WASHC4: variants seen among roughly 807,000 people sequenced by gnomAD.
WASHC4 encodes WASH complex subunit 7.
A neutral mutation model predicts 166.6 loss-of-function variants in WASHC4; 86 were observed. The ratio of observed to expected loss-of-function variants is 0.52; its 90% CI spans 0.43 to 0.62. WASHC4 has a LOEUF of 0.62. WASHC4 is among the 20% of genes least tolerant of loss of function. The pLI is 0.00. For synonymous variants in WASHC4, 446 were observed against 451.6 expected, an observed-to-expected ratio of 0.99 and a Z score of 0.16; for missense variants, 1,262 against 1,382.4, an observed-to-expected ratio of 0.91 and a Z score of 1.38.
chr12:105,147,117 A>T lies in WASHC4; in HGVS notation c.2485A>T (p.Thr829Ser), dbSNP rs754187720. The T allele has an allele frequency of 1.6e-5, 25 of 1,607,586 alleles. No individual in the cohort carries two copies. The highest frequency in any genetic ancestry group is 8.3e-5 in the Admixed American group (5 of 59,992). Residue 829 changes from threonine to serine, a missense_variant, in exon 24 of 33, where the codon ACA becomes TCA. Thr to Ser is a moderately conservative substitution (Grantham distance 58, BLOSUM62 1). Transcript: ENST00000332180. ...NIRHIANSIR[T>S]HGTGIMNTTV... ...TCGGCATATTGCTAATTCAATTCGA[A>T]CACATGGCACGGGAATTATGAATAC... is the stretch of plus-strand genomic sequence containing the variant.
intron 22 of WASHC4, among the ~76,000 whole-genome samples, chr12:105,146,141 T>C (rs944516837): frequency 2.6e-5 from 4 of 152,090 alleles, no homozygotes; most frequent in African/African-American, 9.7e-5. Flanking sequence ...GTAGAAAAAA[T>C]GTAGAGAAGA....
chr12:105,118,456 G>C lies in WASHC4; in HGVS notation c.446G>C (p.Cys149Ser), dbSNP rs371615453. 1 of 1,612,268 alleles carries C rather than the reference G, an allele frequency of 6.2e-7. No individual in the cohort carries two copies. Among genetic ancestry groups the C allele is most frequent in the African/African-American group, 1.3e-5 (1 of 74,894 alleles). ...ACCTTCTCGTTTCAGGAACTGTCTT[G>C]CTTTGTTACGAGGTGCTATGAAGTG... ...RFISFLQELS[C>S]FVTRCYEVVM... Residue 149 changes from cysteine to serine, a missense_variant, in exon 7 of 33, where the codon TGC becomes TCC. Physicochemically the swap from Cys to Ser is moderately radical, Grantham distance 112 (BLOSUM62 -1). Transcript: ENST00000332180.
At chr12:105,132,829 TGTA>T (rs1881980632) in intron 13 of WASHC4, among the ~76,000 whole-genome samples, 1 of 135,694 alleles carries the variant, frequency 7.4e-6, no homozygotes, top group African/African-American at 2.8e-5. Context: ...TGTGTGTGTG[TGTA>T]AAGTGCTTGG....
intron 11 of WASHC4, 32 bp downstream of exon 11, chr12:105,126,159 T>G (rs781385787): frequency 2.5e-6 from 4 of 1,612,838 alleles, no homozygotes; most frequent in Non-Finnish European, 3.4e-6. Context: ...GGTTTTTGTT[T>G]ATAAAATTTG....
Position 105,149,682 on chromosome 12 carries a change from A to G in WASHC4, c.2582A>G (p.His861Arg), listed in dbSNP as rs1883582656. Residue 861 changes from histidine to arginine, a missense_variant, in exon 25 of 33, where the codon CAC becomes CGC. By Grantham distance (29) the His-to-Arg change is conservative. Coordinates refer to ENST00000332180, the MANE Select transcript of WASHC4 (RefSeq NM_015275.3). ...YIFSQFMYDE[H>R]IKSRLIKDIR... ...TTTAGCCAATTTATGTATGATGAAC[A>G]CATCAAATCCAGATTGATTAAAGAT... 1 of 1,575,428 alleles carries G rather than the reference A, an allele frequency of 6.3e-7. No homozygotes were observed. The highest frequency in any genetic ancestry group is 8.7e-7 in the Non-Finnish European group (1 of 1,147,048).
Position 105,167,055 on chromosome 12 carries a change from G to A in WASHC4, c.*124G>A, listed in dbSNP as rs79135597. 5.9e-3 allele frequency: 4,279 copies of A among 724,912 alleles called. 222 individuals carry two copies. The East Asian group carries it at 0.098, about 17-fold the overall frequency. 44.9% of individuals were successfully genotyped at this position (724,912 alleles called of 1,614,324 possible). On this transcript the variant is annotated 3_prime_UTR_variant, in exon 33 of 33. Transcript: ENST00000332180. ...ACATCTCTGGAAAATAGATGTTACA[G>A]TTCTTAAAGGCAGTGCTTTAAAGTG... is the stretch of plus-strand genomic sequence containing the variant.
At chr12:105,141,139 C>A in intron 17 of WASHC4, 28 bp from the exon 18 acceptor site, 1 of 1,609,770 alleles carries the variant, frequency 6.2e-7, no homozygotes, top group South Asian at 1.1e-5. Flanking sequence ...ACTGCAACTT[C>A]TCTGCCTTTT....
At chr12:105,163,905 T>C (rs762328919) in intron 30 of WASHC4, among the ~76,000 whole-genome samples, 2 of 152,230 alleles carry the variant, frequency 1.3e-5, no homozygotes, top group Non-Finnish European at 2.9e-5. Context: ...TTAGTTATAC[T>C]TCTACATTGT....
At chr12:105,146,242 C>T (rs1339325743) in intron 22 of WASHC4, among the ~76,000 whole-genome samples, 2 of 152,054 alleles carry the variant, frequency 1.3e-5, no homozygotes, top group African/African-American at 4.8e-5. Context: ...TTCCTGTCTG[C>T]ACAAAAGATA....
At chr12:105,140,177 GT>G in intron 15 of WASHC4, 116 bp from the exon 16 acceptor site, 4 of 800,334 alleles carry the variant, frequency 5.0e-6, no homozygotes, top group East Asian at 2.6e-5. Context: ...GGACTGTAAG[GT>G]TTTTTTGTAT....
chr12:105,130,462 C>A (rs1881695877), intron 13 of WASHC4, among the ~76,000 whole-genome samples: 1 of 152,198 alleles, frequency 6.6e-6, no homozygotes, highest in Non-Finnish European at 1.5e-5. Context: ...TTTCTAAATT[C>A]TTTACTACAG....
intron 15 of WASHC4, among the ~76,000 whole-genome samples, chr12:105,139,444 T>TGCCTCCC (rs1882622362): frequency 1.4e-5 from 2 of 145,192 alleles, no homozygotes; most frequent in Middle Eastern, 3.3e-3. Flanking sequence ...TATATATATA[T>TGCCTCCC]ATATATATAT....
At position 105,111,720 on chromosome 12, in the gene WASHC4, T is replaced by G. The variant is rs139499824; in HGVS notation, c.201+456T>G. On this transcript the variant is annotated intron_variant, in intron 2 of 32. Coordinates refer to ENST00000332180, the MANE Select transcript of WASHC4 (RefSeq NM_015275.3). Reference sequence around the variant, plus strand: ...CTCATGCTATATAGATGTTAATGTGTGAGTAATTTTTTAATGTATAAAATA... The same window carrying G: ...CTCATGCTATATAGATGTTAATGTGGGAGTAATTTTTTAATGTATAAAATA... 5.9e-3 allele frequency among the ~76,000 whole-genome samples: 905 copies of G among 152,316 alleles called. 18 individuals are homozygous for G. Among genetic ancestry groups the G allele is most frequent in the African/African-American group, 0.021 (855 of 41,572 alleles).
At chr12:105,156,870 T>C (rs1225131093) in intron 27 of WASHC4, 78 bp downstream of exon 27, 2 of 992,278 alleles carry the variant, frequency 2.0e-6, no homozygotes, top group Non-Finnish European at 3.2e-6. Flanking sequence ...TTACAAGTGA[T>C]ATTGTAGATA....
In WASHC4 at chr12:105,138,774, A is replaced by AT. The variant is rs1292071876; in HGVS notation, c.1452+769dup. On this transcript the variant is annotated intron_variant, in intron 15 of 32. Coordinates refer to ENST00000332180, the MANE Select transcript of WASHC4 (RefSeq NM_015275.3). ...TTTATAGATATTTTATGTTAGATTT[A>AT]TTTTTTATGAACTATAAATACAGAC... Among the ~76,000 whole-genome samples, 8 of 151,926 alleles carry AT rather than the reference A, an allele frequency of 5.3e-5. No homozygotes were observed. In the East Asian group the frequency reaches 1.5e-3, roughly 29 times the overall value.
In WASHC4 at chr12:105,107,759, C is replaced by G; in HGVS notation, c.-42C>G. 1 of 1,480,372 alleles carries G rather than the reference C, an allele frequency of 6.8e-7. No homozygotes were observed. The highest frequency in any genetic ancestry group is 1.2e-5 in the South Asian group (1 of 81,954). 91.7% of individuals were successfully genotyped at this position (1,480,372 alleles called of 1,614,324 possible). On this transcript the variant is annotated 5_prime_UTR_variant, in exon 1 of 33. Coordinates refer to ENST00000332180, the MANE Select transcript of WASHC4 (RefSeq NM_015275.3). ...AGCTGGGGTGAGGCCGTCGTCGCCGCACGGGCTGGTTGGGGCTGTGTCTGT... is the reference window on the plus strand; with the variant it reads ...AGCTGGGGTGAGGCCGTCGTCGCCGGACGGGCTGGTTGGGGCTGTGTCTGT...
At position 105,168,888 on chromosome 12, in the gene WASHC4, AATTTT is replaced by A. The variant is rs1884940601; in HGVS notation, c.*1963_*1967del. ...GATTTTTCTTGATAACATTAACATT[AATTTT>A]ATTTTTTCAGACATACTGTAATTTA... On this transcript the variant is annotated 3_prime_UTR_variant, in exon 33 of 33. Transcript: ENST00000332180. 6.6e-6 allele frequency: 1 copy of A among 152,388 alleles called. No individual in the cohort carries two copies. Among genetic ancestry groups the A allele is most frequent in the African/African-American group, 2.4e-5 (1 of 41,316 alleles). 9.4% of individuals were successfully genotyped at this position (152,388 alleles called of 1,614,324 possible). A position where few individuals can be genotyped will look rare whatever the true frequency, so the allele number is the denominator to read the frequency against.
intron 14 of WASHC4, among the ~76,000 whole-genome samples, chr12:105,136,475 T>C (rs1364140144): frequency 1.3e-5 from 2 of 152,164 alleles, no homozygotes; most frequent in African/African-American, 4.8e-5. Context: ...ATTTATTCTA[T>C]CATTAACTAA....
In WASHC4 at chr12:105,147,152, A is replaced by G. The variant is rs1190858878; in HGVS notation, c.2514+6A>G. The G allele has an allele frequency of 6.4e-7, 1 of 1,561,158 alleles. No homozygotes were observed. Among genetic ancestry groups the G allele is most frequent in the Non-Finnish European group, 8.8e-7 (1 of 1,131,760 alleles). On this transcript the variant is annotated splice_donor_region_variant and intron_variant, in intron 24 of 32. Transcript: ENST00000332180. Reference sequence around the variant, plus strand: ...CGGGAATTATGAATACAACTGTAAGAACTTTTCTTTGGGGGTTGAGTGGGT... The same window carrying G: ...CGGGAATTATGAATACAACTGTAAGGACTTTTCTTTGGGGGTTGAGTGGGT...
Sources: allele counts gnomAD v4.1 joint callset (sites outside exome capture counted in the v4.1 genomes callset), GRCh38; gene constraint gnomAD v4.1.1; transcripts MANE v1.5; gene names NCBI Gene and HGNC (gene_info 2026-07-23, HGNC 2026-07-21).